The following ANKDD1A variants were observed in gnomAD, a reference collection of about 807,000 sequenced individuals.
ANKDD1A encodes the protein ankyrin repeat and death domain containing 1A, also known as ankyrin repeat and death domain-containing protein 1A.
A neutral mutation model predicts 63.5 loss-of-function variants in ANKDD1A; 59 were observed. That is an observed-to-expected ratio of 0.93 (90% CI 0.75 to 1.15). The LOEUF is 1.15. ANKDD1A is among the 50% of genes most tolerant of loss of function. The pLI is 0.00. For missense variants in ANKDD1A, 632 were observed against 656.4 expected, an observed-to-expected ratio of 0.96 and a Z score of 0.41; for synonymous variants, 266 against 263.9, an observed-to-expected ratio of 1.01 and a Z score of -0.08.
intron 3 of ANKDD1A, among the ~76,000 whole-genome samples, chr15:64,918,834 A>T (rs2084988849): frequency 2.0e-5 from 3 of 152,024 alleles, no homozygotes; most frequent in Non-Finnish European, 4.4e-5. Flanking sequence ...CACACCTGTG[A>T]TCCCAGCTGC....
At chr15:64,914,808 A>G (rs1010480702) in intron 1 of ANKDD1A, among the ~76,000 whole-genome samples, 14 of 139,184 alleles carry the variant, frequency 1.0e-4, no homozygotes, top group Admixed American at 3.6e-4. Context: ...TGGCTCAGAG[A>G]CTAATGCAGT....
rs2085365785 is a variant in ANKDD1A, at chr15:64,953,918, CTCTT to C, written c.1484-3183_1484-3180del. Among the ~76,000 whole-genome samples the C allele has an allele frequency of 7.2e-5, 5 of 69,730 alleles. No individual in the cohort carries two copies. In the South Asian group the frequency reaches 1.7e-3, roughly 24 times the overall value. The allele number at this position is 69,730 out of a possible 152,430, so 45.7% of individuals were successfully genotyped here. ...TTTTCTTTCTTCCCTCTTCTTTCTT[CTCTT>C]TTTCTTTTTTCTTTTCTTCCTCTTC... On this transcript the variant is annotated intron_variant, in intron 14 of 14. Coordinates refer to ENST00000319580, the MANE Select transcript of ANKDD1A (RefSeq NM_182703.6).
chr15:64,924,810 G>A (rs2085033729), intron 4 of ANKDD1A, among the ~76,000 whole-genome samples: 1 of 152,076 alleles, frequency 6.6e-6, no homozygotes, highest in Non-Finnish European at 1.5e-5. Context: ...TCCTTAATTT[G>A]GGTTTGTCTC....
chr15:64,935,097 G>A (rs2085118229), intron 9 of ANKDD1A, among the ~76,000 whole-genome samples: 1 of 151,666 alleles, frequency 6.6e-6, no homozygotes, highest in South Asian at 2.1e-4. Context: ...TCATGGTGGT[G>A]TACACATGTA....
chr15:64,926,772 G>C, intron 5 of ANKDD1A, 129 bp from the exon 6 acceptor site: 4 of 912,332 alleles, frequency 4.4e-6, no homozygotes, highest in Non-Finnish European at 7.0e-6. Context: ...CAAGGGGAGA[G>C]GACAGTGTCT....
rs2085304909 is a variant in ANKDD1A at position 64,952,337 on chromosome 15, C to CCTTCTCCTT, written c.1483+2370_1483+2371insCCTTCTTCT. 2.2e-3 allele frequency among the ~76,000 whole-genome samples: 316 copies of CCTTCTCCTT among 141,530 alleles called. 3 individuals are homozygous for CCTTCTCCTT. Among genetic ancestry groups the CCTTCTCCTT allele is most frequent in the Non-Finnish European group, 4.0e-3 (265 of 66,064 alleles). 92.8% of individuals were successfully genotyped at this position (141,530 alleles called of 152,430 possible). A position where few individuals can be genotyped will look rare whatever the true frequency, so the allele number is the denominator to read the frequency against. On this transcript the variant is annotated intron_variant, in intron 14 of 14. Coordinates refer to ENST00000319580, the MANE Select transcript of ANKDD1A (RefSeq NM_182703.6). ...TTTTTCTTTCTTCCTTCTTCCTTCT[C>CCTTCTCCTT]CTTCTTCTTAGTTCTTCCTCCTTCT...
chr15:64,947,403 G>C lies in ANKDD1A; in HGVS notation c.1162-1G>C, dbSNP rs766899214. On this transcript the variant is annotated splice_acceptor_variant, in intron 12 of 14. Coordinates refer to ENST00000319580, the MANE Select transcript of ANKDD1A (RefSeq NM_182703.6). LOFTEE classifies it high-confidence loss of function. Reference sequence around the variant, plus strand: ...CTGCACTTTTGGGATCTGCCCCACAGGACCACCCCAGTGATCCCTCTGGGA... The same window carrying C: ...CTGCACTTTTGGGATCTGCCCCACACGACCACCCCAGTGATCCCTCTGGGA... 1.9e-6 allele frequency: 3 copies of C among 1,610,882 alleles called. No homozygotes were observed. The highest frequency in any genetic ancestry group is 2.5e-6 in the Non-Finnish European group (3 of 1,177,434).
chr15:64,931,866 G>A (rs1595850796), intron 8 of ANKDD1A: 2 of 552,722 alleles, frequency 3.6e-6, no homozygotes, highest in East Asian at 2.8e-5. Context: ...ACATAATAGG[G>A]CCCAACACCT....
At chr15:64,953,854 CTCT>C (rs1341244022) in intron 14 of ANKDD1A, among the ~76,000 whole-genome samples, 21 of 89,494 alleles carry the variant, frequency 2.3e-4, no homozygotes, top group African/African-American at 8.2e-4. Context: ...TTCTTCTTTC[CTCT>C]TCTTCCTCTT....
chr15:64,952,044 T>TC (rs1169180671), intron 14 of ANKDD1A, among the ~76,000 whole-genome samples: 14 of 141,826 alleles, frequency 9.9e-5, no homozygotes, highest in Non-Finnish European at 9.4e-5. Flanking sequence ...TCTTTCCTCT[T>TC]CTTTCTTCTT....
At chr15:64,950,914 G>C (rs914637814) in intron 14 of ANKDD1A, 3 of 1,260,404 alleles carry the variant, frequency 2.4e-6, no homozygotes, top group African/African-American at 1.5e-5. Context: ...GTGAGGCAGA[G>C]CTTAGGCAAC....
chr15:64,913,786 A>T (rs1456693226), intron 1 of ANKDD1A, among the ~76,000 whole-genome samples: 1 of 152,164 alleles, frequency 6.6e-6, no homozygotes, highest in East Asian at 1.9e-4. Flanking sequence ...GTCCCTGGAT[A>T]CACAAAGGGG....
Position 64,919,302 on chromosome 15 carries a change from C to T in ANKDD1A, c.267+1788C>T, listed in dbSNP as rs150569177. ...TGGACTCCTTCCTCTGGACTCTGCC[C>T]GTGCTTGTTCTTTCTCCTTCCTCCT... On this transcript the variant is annotated intron_variant, in intron 3 of 14. Transcript: ENST00000319580. 2.5e-3 allele frequency among the ~76,000 whole-genome samples: 385 copies of T among 152,266 alleles called. 4 individuals are homozygous for T. The highest frequency in any genetic ancestry group is 8.7e-3 in the African/African-American group (363 of 41,544).
chr15:64,943,311 G>A, intron 10 of ANKDD1A, 173 bp from the exon 11 acceptor site: 2 of 627,636 alleles, frequency 3.2e-6, no homozygotes, highest in Non-Finnish European at 5.6e-6. Context: ...AAATTAAGAT[G>A]TAAAATGTAC....
chr15:64,951,588 T>TTTCTTCCTTTTC (rs141894830), intron 14 of ANKDD1A, among the ~76,000 whole-genome samples: 17 of 107,292 alleles, frequency 1.6e-4, no homozygotes, highest in African/African-American at 5.1e-4. Context: ...TCTTCTTCCT[T>TTTCTTCCTTTTC]TTCTTTCTTC....
chr15:64,948,005 G>A (rs2085237382), intron 13 of ANKDD1A, among the ~76,000 whole-genome samples: 1 of 151,934 alleles, frequency 6.6e-6, no homozygotes, highest in Non-Finnish European at 1.5e-5. Flanking sequence ...ATTGATTTCA[G>A]ATGGAATACT....
intron 6 of ANKDD1A, among the ~76,000 whole-genome samples, chr15:64,928,223 G>C (rs201324004): frequency 2.6e-5 from 4 of 152,346 alleles, no homozygotes; most frequent in Non-Finnish European, 5.9e-5. Flanking sequence ...GCTGCCTCCT[G>C]GGTTGGACCC....
At chr15:64,947,088 C>G (rs571323741) in intron 12 of ANKDD1A, among the ~76,000 whole-genome samples, 1 of 152,102 alleles carries the variant, frequency 6.6e-6, no homozygotes, top group African/African-American at 2.4e-5. Flanking sequence ...GGCAGGTGAC[C>G]GGAGGAATCT....
intron 9 of ANKDD1A, among the ~76,000 whole-genome samples, chr15:64,937,914 A>G (rs1370214859): frequency 1.3e-5 from 2 of 152,118 alleles, no homozygotes; most frequent in Non-Finnish European, 2.9e-5. Flanking sequence ...ACTAATACAT[A>G]GGGTGAGTCT....
Sources: allele counts gnomAD v4.1 joint callset (sites outside exome capture counted in the v4.1 genomes callset), GRCh38; gene constraint gnomAD v4.1.1; transcripts MANE v1.5; gene names NCBI Gene and HGNC (gene_info 2026-07-23, HGNC 2026-07-21).